CSGALNACT2: variants seen among roughly 807,000 people sequenced by gnomAD.
CSGALNACT2 encodes chondroitin sulfate N-acetylgalactosaminyltransferase 2, also known as beta 4 GalNAcT-2.
A neutral mutation model predicts 55.3 loss-of-function variants in CSGALNACT2; 35 were observed. That is an observed-to-expected ratio of 0.63 (90% confidence interval 0.48 to 0.84). The LOEUF is 0.84. Ranked by LOEUF, CSGALNACT2 falls within the 40% of genes least tolerant of loss-of-function variation. The pLI, the probability that CSGALNACT2 is intolerant of heterozygous loss-of-function variation, is 0.00. For synonymous variants in CSGALNACT2, 196 were observed against 224.9 expected (o/e 0.87, Z 1.15); for missense variants, 544 against 657.5 (o/e 0.83, Z 1.89).
intron 1 of CSGALNACT2, among the ~76,000 whole-genome samples, chr10:43,147,271 G>A (rs887074522): frequency 3.3e-5 from 5 of 152,102 alleles, no homozygotes; most frequent in East Asian, 1.9e-4. Context: ...CACCGCGCCC[G>A]GCCGAGCATC....
At chr10:43,171,511 C>T (rs1839382663) in intron 6 of CSGALNACT2, among the ~76,000 whole-genome samples, 1 of 152,098 alleles carries the variant, frequency 6.6e-6, no homozygotes, top group African/African-American at 2.4e-5. Context: ...CACCACCACG[C>T]CCAGCTAATT....
intron 6 of CSGALNACT2, among the ~76,000 whole-genome samples, chr10:43,174,391 T>C (rs1164023966): frequency 6.6e-6 from 1 of 152,158 alleles, no homozygotes; most frequent in African/African-American, 2.4e-5. Context: ...ATATTCCTGC[T>C]ATCTGCAGGA....
chr10:43,154,726 CA>C (rs369196889), intron 1 of CSGALNACT2, among the ~76,000 whole-genome samples, 170 bp from the exon 2 acceptor site: 1,874 of 99,610 alleles, frequency 0.019, 45 homozygotes, highest in East Asian at 0.13. Context: ...GACTCCATCT[CA>C]AAAAAAAAAA....
chr10:43,147,734 ATCT>A (rs1335225077), intron 1 of CSGALNACT2, among the ~76,000 whole-genome samples: 2 of 143,940 alleles, frequency 1.4e-5, no homozygotes, highest in African/African-American at 2.6e-5. Context: ...CCATTTATAT[ATCT>A]TCTTTAGAGA....
rs1273950644 is a variant in CSGALNACT2, at chr10:43,183,616, G to A, written c.*74G>A. 8.3e-7 allele frequency: 1 copy of A among 1,200,382 alleles called. No individual in the cohort carries two copies. Among genetic ancestry groups the A allele is most frequent in the Non-Finnish European group, 1.2e-6 (1 of 825,686 alleles). 74.4% of individuals were successfully genotyped at this position (1,200,382 alleles called of 1,614,324 possible). ...TTTAGCCTTACTTCTACTTCCAGATGCAGTGCCTCTTTTGGAGAAGACATG... is the reference window on the plus strand; with the variant it reads ...TTTAGCCTTACTTCTACTTCCAGATACAGTGCCTCTTTTGGAGAAGACATG... On this transcript the variant is annotated 3_prime_UTR_variant, in exon 8 of 8. Transcript: ENST00000374466.
chr10:43,178,105 T>C (rs1839515187), intron 7 of CSGALNACT2, among the ~76,000 whole-genome samples: 1 of 152,222 alleles, frequency 6.6e-6, no homozygotes, highest in African/African-American at 2.4e-5. Flanking sequence ...AATTGGGTTA[T>C]GGAGTTTCTT....
rs1839657788 is a variant in CSGALNACT2 at position 43,184,515 on chromosome 10, C to A, written c.*973C>A. On this transcript the variant is annotated 3_prime_UTR_variant, in exon 8 of 8. Transcript: ENST00000374466. ...ATATGCTACATTTGTATTTGCATTA[C>A]TATAATACTTTGAGTTGAAAAAGAG... 2.6e-5 allele frequency: 4 copies of A among 151,978 alleles called. No homozygotes were observed. Among genetic ancestry groups the A allele is most frequent in the African/African-American group, 9.7e-5 (4 of 41,356 alleles). 9.4% of individuals were successfully genotyped at this position (151,978 alleles called of 1,614,324 possible).
chr10:43,156,062 T>G (rs1050762462), intron 2 of CSGALNACT2, among the ~76,000 whole-genome samples: 5 of 152,200 alleles, frequency 3.3e-5, no homozygotes, highest in Non-Finnish European at 5.9e-5. Flanking sequence ...GAATAAGGAC[T>G]AGGGAAATAG....
At chr10:43,146,878 G>A (rs1219893245) in intron 1 of CSGALNACT2, among the ~76,000 whole-genome samples, 1 of 151,538 alleles carries the variant, frequency 6.6e-6, no homozygotes, top group South Asian at 2.1e-4. Flanking sequence ...TTTAATGTTA[G>A]CCATTCTATT....
chr10:43,139,302 G>T (rs935999593), intron 1 of CSGALNACT2, among the ~76,000 whole-genome samples: 3 of 152,212 alleles, frequency 2.0e-5, no homozygotes, highest in African/African-American at 7.2e-5. Flanking sequence ...GATCTTGGAA[G>T]TAAGAAGCCA....
chr10:43,148,334 C>T (rs1324804355), intron 1 of CSGALNACT2, among the ~76,000 whole-genome samples: 1 of 152,064 alleles, frequency 6.6e-6, no homozygotes, highest in Non-Finnish European at 1.5e-5. Context: ...TGTTTTCCTT[C>T]AATTTCATTT....
chr10:43,176,103 T>A, intron 7 of CSGALNACT2, 71 bp downstream of exon 7: 1 of 1,270,784 alleles, frequency 7.9e-7, no homozygotes, highest in Non-Finnish European at 1.1e-6. Context: ...CTAAAAGGTC[T>A]CAGATTTGAG....
chr10:43,158,930 A>T lies in CSGALNACT2; in HGVS notation c.877A>T (p.Arg293Trp). The change falls in exon 3 of 8, where the codon AGG becomes TGG. Residue 293 changes from arginine to tryptophan, a missense_variant and splice_region_variant. Coordinates refer to ENST00000374466, the MANE Select transcript of CSGALNACT2 (RefSeq NM_018590.5). ...ATTTGTACAATTTATGCAGAACTTCAGGTAACTGTCAGGGCTTAATGATTA... is the reference window on the plus strand; with the variant it reads ...ATTTGTACAATTTATGCAGAACTTCTGGTAACTGTCAGGGCTTAATGATTA... The part of the protein sequence containing the change: ...EAFVQFMQNF[R>W]DVCIHQDKKI... 1 of 1,579,096 alleles carries T rather than the reference A, an allele frequency of 6.3e-7. No homozygotes were observed. The highest frequency in any genetic ancestry group is 8.7e-7 in the Non-Finnish European group (1 of 1,149,094).
Position 43,155,174 on chromosome 10 carries a change from C to G in CSGALNACT2, c.25C>G (p.His9Asp), listed in dbSNP as rs774017207. Reference protein sequence around the residue: MPRRGLILHTRTHWLLLGL... With the variant: MPRRGLILDTRTHWLLLGL... Reference sequence around the variant, plus strand: ...AATGCCTAGAAGAGGACTGATTCTTCACACCCGGACCCACTGGTTGCTGTT... The same window carrying G: ...AATGCCTAGAAGAGGACTGATTCTTGACACCCGGACCCACTGGTTGCTGTT... Residue 9 changes from histidine (H) to aspartate (D), a missense_variant, in exon 2 of 8, where the codon CAC (histidine) becomes GAC (aspartate). Coordinates refer to ENST00000374466, the MANE Select transcript of CSGALNACT2 (RefSeq NM_018590.5). 6.3e-5 allele frequency: 101 copies of G among 1,613,708 alleles called. No individual in the cohort carries two copies. Among genetic ancestry groups the G allele is most frequent in the Admixed American group, 8.3e-5 (5 of 59,984 alleles).
chr10:43,163,900 T>C lies in CSGALNACT2; in HGVS notation c.1015T>C (p.Leu339=), dbSNP rs758584739. 6.2e-7 allele frequency: 1 copy of C among 1,614,034 alleles called. No individual in the cohort carries two copies. The highest frequency in any genetic ancestry group is 8.5e-7 in the Non-Finnish European group (1 of 1,180,014). ...TTTTCACAATTACACCTTGGTCTCA[T>C]TGAATGAAGAATTTAATCGTGGACG... ...SNFHNYTLVS[L]NEEFNRGRGL... The change falls in exon 5 of 8, where the codon TTG becomes CTG. Residue 339 remains leucine (L), a synonymous_variant. Transcript: ENST00000374466.
At chr10:43,147,382 G>T (rs1838780964) in intron 1 of CSGALNACT2, among the ~76,000 whole-genome samples, 1 of 152,092 alleles carries the variant, frequency 6.6e-6, no homozygotes, top group South Asian at 2.1e-4. Context: ...TATATTCTTG[G>T]TACAAGTCCT....
At chr10:43,155,890 T>G in intron 2 of CSGALNACT2, 80 bp downstream of exon 2, 1 of 1,173,408 alleles carries the variant, frequency 8.5e-7, no homozygotes, top group Non-Finnish European at 1.2e-6. Flanking sequence ...TATTGTAGTA[T>G]TGTACTGTAG....
intron 6 of CSGALNACT2, among the ~76,000 whole-genome samples, chr10:43,170,796 C>G (rs1430813151): frequency 6.6e-6 from 1 of 152,202 alleles, no homozygotes; most frequent in African/African-American, 2.4e-5. Context: ...GTACCCATGA[C>G]ATGACATAAT....
chr10:43,173,563 A>G (rs549118290), intron 6 of CSGALNACT2, among the ~76,000 whole-genome samples: 1 of 152,230 alleles, frequency 6.6e-6, no homozygotes, highest in Non-Finnish European at 1.5e-5. Context: ...GTCTGATAAT[A>G]TTTGAAGAAT....
Sources: gnomAD v4.1 joint callset for allele counts (sites outside exome capture counted in the v4.1 genomes callset) on GRCh38, gnomAD v4.1.1 for gene constraint, MANE v1.5 for transcripts, NCBI Gene and HGNC (gene_info 2026-07-23, HGNC 2026-07-21) for gene names.